Variants in ARHGAP15 observed in about 807,000 individuals in gnomAD.
ARHGAP15 encodes the protein Rho GTPase activating protein 15, also known as rho GTPase-activating protein 15.
Under a neutral mutation model 63.7 loss-of-function variants are expected in ARHGAP15, and 51 were observed. The observed-to-expected ratio is 0.80, with a 90% CI of 0.64 to 1.01. ARHGAP15 has a LOEUF of 1.01. Among genes scored for constraint, ARHGAP15 ranks in the 50% least tolerant of loss-of-function variants. The probability of loss-of-function intolerance (pLI) is 0.00; values close to 1 mark genes in which losing one functional copy is unlikely to be tolerated. For synonymous variants in ARHGAP15, 191 were observed against 193.8 expected (o/e 0.99, Z 0.12); for missense variants, 560 against 564.6 (o/e 0.99, Z 0.08).
intron 9 of ARHGAP15, among the ~76,000 whole-genome samples, chr2:143,496,742 A>G (rs1692834260): frequency 6.6e-6 from 1 of 152,220 alleles, no homozygotes. Flanking sequence ...AGATAATACC[A>G]GGCTTCAGCC....
intron 6 of ARHGAP15, among the ~76,000 whole-genome samples, chr2:143,309,932 C>T (rs1309259869): frequency 6.0e-5 from 9 of 150,774 alleles, no homozygotes; most frequent in Non-Finnish European, 1.3e-4. Flanking sequence ...AGCTTTGTTG[C>T]ATATTATTTG....
intron 13 of ARHGAP15, among the ~76,000 whole-genome samples, chr2:143,746,217 TA>T (rs1330968786): frequency 3.3e-5 from 5 of 152,176 alleles, no homozygotes; most frequent in Admixed American, 6.6e-5. Context: ...TAACCTAAAG[TA>T]ATTTCACACT....
intron 13 of ARHGAP15, among the ~76,000 whole-genome samples, chr2:143,721,848 A>T (rs1291492448): frequency 1.3e-5 from 2 of 152,098 alleles, no homozygotes; most frequent in Non-Finnish European, 2.9e-5. Context: ...CACTGCGCCC[A>T]GCTAATTTTT....
At chr2:143,618,032 T>C (rs966128900) in intron 11 of ARHGAP15, among the ~76,000 whole-genome samples, 2 of 152,218 alleles carry the variant, frequency 1.3e-5, no homozygotes, top group African/African-American at 4.8e-5. Context: ...AGCCAAGGTG[T>C]GGAAGGAGGA....
intron 12 of ARHGAP15, among the ~76,000 whole-genome samples, chr2:143,682,495 C>T (rs1419784700): frequency 6.6e-6 from 1 of 152,026 alleles, no homozygotes; most frequent in Non-Finnish European, 1.5e-5. Flanking sequence ...TACATATATA[C>T]ACATATGTAT....
At chr2:143,370,733 G>C (rs1558926079) in intron 6 of ARHGAP15, among the ~76,000 whole-genome samples, 1 of 152,168 alleles carries the variant, frequency 6.6e-6, no homozygotes, top group Non-Finnish European at 1.5e-5. Flanking sequence ...ATGTGGACTA[G>C]TATACTTCAT....
intron 10 of ARHGAP15, among the ~76,000 whole-genome samples, chr2:143,525,494 T>C (rs553667585): frequency 1.3e-5 from 2 of 152,046 alleles, no homozygotes; most frequent in Non-Finnish European, 2.9e-5. Context: ...TTTTCATGCC[T>C]TATGTTAGGC....
intron 13 of ARHGAP15, among the ~76,000 whole-genome samples, chr2:143,721,057 G>C (rs902186846): frequency 5.4e-5 from 1 of 18,406 alleles, no homozygotes; most frequent in Non-Finnish European, 3.2e-4. Flanking sequence ...GCAAGACTCC[G>C]TCTCAAAAAA....
intron 2 of ARHGAP15, among the ~76,000 whole-genome samples, chr2:143,198,640 C>G (rs1031795480): frequency 4.6e-5 from 7 of 152,052 alleles, no homozygotes; most frequent in African/African-American, 1.7e-4. Flanking sequence ...TTTCCAAACA[C>G]TGCTTTAAAT....
At chr2:143,654,760 A>C (rs1559105540) in intron 12 of ARHGAP15, among the ~76,000 whole-genome samples, 1 of 152,148 alleles carries the variant, frequency 6.6e-6, no homozygotes, top group Non-Finnish European at 1.5e-5. Flanking sequence ...AACTACCTCT[A>C]TGTATATTGT....
chr2:143,349,550 T>C (rs1432682756), intron 6 of ARHGAP15, among the ~76,000 whole-genome samples: 3 of 152,232 alleles, frequency 2.0e-5, no homozygotes, highest in Non-Finnish European at 4.4e-5. Context: ...AAGATATCTC[T>C]GCTGAAGCCA....
intron 6 of ARHGAP15, chr2:143,351,471 C>G (rs1388429088): frequency 6.6e-6 from 1 of 152,152 alleles, no homozygotes; most frequent in Non-Finnish European, 1.5e-5. Context: ...ACACTATAAT[C>G]AAATTCCACC....
At chr2:143,638,902 G>A (rs1680474232) in intron 12 of ARHGAP15, among the ~76,000 whole-genome samples, 1 of 151,918 alleles carries the variant, frequency 6.6e-6, no homozygotes, top group Non-Finnish European at 1.5e-5. Flanking sequence ...CAATTGCTAT[G>A]TGTACATTTC....
At chr2:143,156,178 C>T (rs925183136) in intron 2 of ARHGAP15, among the ~76,000 whole-genome samples, 2 of 151,880 alleles carry the variant, frequency 1.3e-5, no homozygotes, top group South Asian at 4.2e-4. Flanking sequence ...GGAGAGGAAG[C>T]CATTTTGTCT....
chr2:143,678,992 A>G (rs758516618), intron 12 of ARHGAP15, among the ~76,000 whole-genome samples: 5 of 152,220 alleles, frequency 3.3e-5, no homozygotes, highest in Admixed American at 6.5e-5. Context: ...TATGCCACCA[A>G]TAACATATAT....
intron 6 of ARHGAP15, among the ~76,000 whole-genome samples, chr2:143,387,981 C>A (rs1687371681): frequency 6.6e-6 from 1 of 152,030 alleles, no homozygotes; most frequent in African/African-American, 2.4e-5. Context: ...ATCTCTTAAA[C>A]AGGCCCACTG....
chr2:143,213,538 T>C (rs1367820119), intron 3 of ARHGAP15, among the ~76,000 whole-genome samples: 1 of 151,828 alleles, frequency 6.6e-6, no homozygotes, highest in Admixed American at 6.6e-5. Context: ...ATAAAGAAGA[T>C]GAAGGAAAAT....
In ARHGAP15 at chr2:143,155,609, A is replaced by G. The variant is rs1043386184; in HGVS notation, c.119A>G (p.Gln40Arg). The G allele has an allele frequency of 3.5e-5, 56 of 1,606,694 alleles. No homozygotes were observed. The highest frequency in any genetic ancestry group is 4.7e-5 in the Non-Finnish European group (55 of 1,177,076). Residue 40 changes from glutamine (Q) to arginine (R), a missense_variant, in exon 2 of 14, where the codon CAA (glutamine) becomes CGA (arginine). Gln to Arg is a conservative substitution (Grantham distance 43). Transcript: ENST00000295095. ...NANSHHDRLS[Q>R]SKSMILTDVG... The stretch of plus-strand genomic sequence containing the variant: ...AACAGCCACCATGACAGGCTCAGCC[A>G]AAGTAAATCCATGATCCTCACCGAT...
At position 143,508,034 on chromosome 2, in the gene ARHGAP15, C is replaced by A. The variant is rs532716944; in HGVS notation, c.827-11232C>A. Among the ~76,000 whole-genome samples, 987 of 151,290 alleles carry A rather than the reference C, an allele frequency of 6.5e-3. 9 individuals carry two copies. Among genetic ancestry groups the A allele is most frequent in the African/African-American group, 0.023 (954 of 41,020 alleles). The stretch of plus-strand genomic sequence containing the variant: ...AAATGTAAATCATATCATGTCACCC[C>A]CCCCTCCTCCATAATCTCCATTTAC... On this transcript the variant is annotated intron_variant, in intron 9 of 13. Coordinates refer to ENST00000295095, the MANE Select transcript of ARHGAP15 (RefSeq NM_018460.4).
Sources: gnomAD v4.1 joint callset for allele counts (sites outside exome capture counted in the v4.1 genomes callset) on GRCh38, gnomAD v4.1.1 for gene constraint, MANE v1.5 for transcripts, NCBI Gene and HGNC (gene_info 2026-07-23, HGNC 2026-07-21) for gene names.